OR2C1: variants seen among roughly 807,000 people sequenced by gnomAD.
The protein encoded by OR2C1 is olfactory receptor family 2 subfamily C member 1.
For missense variants in OR2C1, 468 were observed against 388.3 expected (o/e 1.21, Z -1.73); for synonymous variants, 209 against 167.3 (o/e 1.25, Z -1.92).
At chr16:3,333,691 A>G in the OR2C1 span, among the ~76,000 whole-genome samples, 3 of 152,112 alleles carry the variant, frequency 2.0e-5, no homozygotes, top group Non-Finnish European at 4.4e-5. Flanking sequence ...CCTTTGATGT[A>G]CAAAAGATTT....
At chr16:3,351,291 G>T (rs182004309), upstream of OR2C1, among the ~76,000 whole-genome samples, 453 of 135,902 alleles carry the variant, frequency 3.3e-3, 2 homozygotes, top group Middle Eastern at 0.012. Context: ...GCAGTGGCAT[G>T]ATTTCGGCTT....
chr16:3,334,818 T>C, the OR2C1 span, among the ~76,000 whole-genome samples: 3 of 151,874 alleles, frequency 2.0e-5, no homozygotes, highest in African/African-American at 7.3e-5. Context: ...GCTTCCACTT[T>C]GTTCTTTTTT....
chr16:3,342,288 T>C, the OR2C1 span, among the ~76,000 whole-genome samples: 1 of 151,996 alleles, frequency 6.6e-6, no homozygotes, highest in Admixed American at 6.6e-5. Flanking sequence ...CAAACCAACA[T>C]TAAGACAGAA....
the OR2C1 span, chr16:3,323,528 A>C: frequency 4.0e-6 from 3 of 749,840 alleles, no homozygotes; most frequent in East Asian, 7.3e-5. Flanking sequence ...AGGTTCCACT[A>C]TACGCAGCAT....
chr16:3,339,681 C>T, the OR2C1 span, among the ~76,000 whole-genome samples: 1 of 152,104 alleles, frequency 6.6e-6, no homozygotes, highest in South Asian at 2.1e-4. Flanking sequence ...TGGTCTCGAT[C>T]TCTTGACCTC....
At chr16:3,333,621 C>T in the OR2C1 span, among the ~76,000 whole-genome samples, 1 of 152,332 alleles carries the variant, frequency 6.6e-6, no homozygotes, top group African/African-American at 2.4e-5. Flanking sequence ...AGGCGTGGGC[C>T]ACTGTGCCCA....
the OR2C1 span, among the ~76,000 whole-genome samples, chr16:3,338,070 G>A: frequency 6.6e-6 from 1 of 152,182 alleles, no homozygotes; most frequent in African/African-American, 2.4e-5. Flanking sequence ...TCTGAATGGG[G>A]AAGGTCCCAA....
chr16:3,340,996 C>T, the OR2C1 span, among the ~76,000 whole-genome samples: 1 of 151,566 alleles, frequency 6.6e-6, no homozygotes, highest in Non-Finnish European at 1.5e-5. Flanking sequence ...AAAAAAAGAC[C>T]ACTGAAAATT....
the OR2C1 span, among the ~76,000 whole-genome samples, chr16:3,332,720 C>T: frequency 6.7e-6 from 1 of 148,728 alleles, no homozygotes; most frequent in East Asian, 2.0e-4. Context: ...TATTCTATTG[C>T]ATATATATAT....
chr16:3,342,790 T>A, the OR2C1 span, among the ~76,000 whole-genome samples: 1 of 152,192 alleles, frequency 6.6e-6, no homozygotes, highest in South Asian at 2.1e-4. Flanking sequence ...GGCAGGAGAA[T>A]CACTTGAACC....
upstream of OR2C1, among the ~76,000 whole-genome samples, chr16:3,354,006 C>G (rs1246596225): frequency 7.3e-6 from 1 of 136,178 alleles, no homozygotes; most frequent in Non-Finnish European, 1.5e-5. Flanking sequence ...TTTTTTGAGA[C>G]AGAGTCTAGC....
chr16:3,324,578 A>C, the OR2C1 span, among the ~76,000 whole-genome samples: 1 of 152,040 alleles, frequency 6.6e-6, no homozygotes, highest in African/African-American at 2.4e-5. Flanking sequence ...TATCTAACTA[A>C]ACTGCTCAGT....
chr16:3,337,020 A>G, the OR2C1 span, among the ~76,000 whole-genome samples: 4 of 143,958 alleles, frequency 2.8e-5, no homozygotes, highest in Non-Finnish European at 6.1e-5. Flanking sequence ...TGCCTGGCTA[A>G]TTTTTTGTAT....
chr16:3,345,485 CA>C, the OR2C1 span, among the ~76,000 whole-genome samples: 886 of 142,226 alleles, frequency 6.2e-3, 16 homozygotes, highest in African/African-American at 0.021. Context: ...GACTCTGTCT[CA>C]AAAAAAAAAA....
chr16:3,345,792 C>G, the OR2C1 span, among the ~76,000 whole-genome samples: 1 of 146,898 alleles, frequency 6.8e-6, no homozygotes, highest in Non-Finnish European at 1.5e-5. Flanking sequence ...TTTTTTCTTT[C>G]TCTCTTTCTC....
At chr16:3,338,501 T>C in the OR2C1 span, among the ~76,000 whole-genome samples, 5 of 148,706 alleles carry the variant, frequency 3.4e-5, no homozygotes, top group Non-Finnish European at 7.4e-5. Context: ...TTGGTTTTGG[T>C]TTTCTGTGGG....
At chr16:3,345,320 T>TA in the OR2C1 span, among the ~76,000 whole-genome samples, 2 of 151,348 alleles carry the variant, frequency 1.3e-5, no homozygotes, top group Admixed American at 6.6e-5. Context: ...CCGTCTCTAC[T>TA]AAAAAAATAC....
rs552027072 is a variant in OR2C1, at chr16:3,356,167, G to C, written c.227G>C (p.Ser76Thr). 4.3e-6 allele frequency: 7 copies of C among 1,614,024 alleles called. No individual in the cohort carries two copies. In the African/African-American group the frequency reaches 8.0e-5, roughly 18 times the overall value. Residue 76 changes from serine to threonine, a missense_variant, in exon 1 of 1, where the codon AGT (serine) becomes ACT (threonine). By Grantham distance (58) the Ser-to-Thr change is moderately conservative. Transcript: ENST00000304936. Reference sequence around the variant, plus strand: ...TCCTTGGACCTTGCTTTCGCTACTAGTTCAGTCCCCCAAATGCTGATCAAT... The same window carrying C: ...TCCTTGGACCTTGCTTTCGCTACTACTTCAGTCCCCCAAATGCTGATCAAT... ...LSSLDLAFAT[S>T]SVPQMLINLW...
the OR2C1 span, among the ~76,000 whole-genome samples, chr16:3,333,211 A>ATTTTTTTTTTTTTTTTTTTTT: frequency 6.1e-5 from 4 of 65,796 alleles, no homozygotes; most frequent in Non-Finnish European, 8.6e-5. Context: ...TCTTTTGCCC[A>ATTTTTTTTTTTTTTTTTTTTT]TTTTTTTTTT....
Sources: gnomAD v4.1 joint callset for allele counts (sites outside exome capture counted in the v4.1 genomes callset) on GRCh38, gnomAD v4.1.1 for gene constraint, MANE v1.5 for transcripts, NCBI Gene and HGNC (gene_info 2026-07-23, HGNC 2026-07-21) for gene names.